Variants in PRIM2 observed in about 807,000 individuals in gnomAD.
The protein encoded by PRIM2 is DNA primase large subunit.
Under a neutral mutation model 67.3 loss-of-function variants are expected in PRIM2, and 39 were observed. That is an observed-to-expected ratio of 0.58 (90% CI 0.45 to 0.76). The LOEUF is 0.76. PRIM2 is among the 30% of genes least tolerant of loss of function. The pLI is 0.00. For synonymous variants in PRIM2, 143 were observed against 198.7 expected (o/e 0.72, Z 2.36); for missense variants, 398 against 598.7 (o/e 0.66, Z 3.50).
chr6:57,488,980 A>T (rs1484727987), intron 7 of PRIM2, among the ~76,000 whole-genome samples: 1 of 152,202 alleles, frequency 6.6e-6, no homozygotes, highest in Non-Finnish European at 1.5e-5. Context: ...ACAGGGAAAG[A>T]TAGTCCCTAA....
the PRIM2 span, among the ~76,000 whole-genome samples, chr6:57,267,978 A>G: frequency 1.3e-5 from 2 of 152,096 alleles, no homozygotes; most frequent in Admixed American, 6.5e-5. Context: ...GGCATTGAGC[A>G]TATGAGAACA....
chr6:57,456,183 G>T (rs1178208901), intron 7 of PRIM2, among the ~76,000 whole-genome samples: 1 of 152,110 alleles, frequency 6.6e-6, no homozygotes, highest in Non-Finnish European at 1.5e-5. Context: ...TTCCCTTTGT[G>T]GGTAACCCGA....
chr6:57,438,782 T>C (rs1161320839), intron 7 of PRIM2, among the ~76,000 whole-genome samples: 1 of 152,148 alleles, frequency 6.6e-6, no homozygotes, highest in Non-Finnish European at 1.5e-5. Context: ...TTTTTCTTTT[T>C]TTTTGGGGGA....
intron 5 of PRIM2, among the ~76,000 whole-genome samples, chr6:57,364,220 G>T (rs1769282451): frequency 6.6e-6 from 1 of 152,018 alleles, no homozygotes; most frequent in Non-Finnish European, 1.5e-5. Flanking sequence ...TGTGTGGTCT[G>T]TTCCTGCTAT....
At chr6:57,409,683 T>C (rs1440829980) in intron 7 of PRIM2, among the ~76,000 whole-genome samples, 5 of 152,236 alleles carry the variant, frequency 3.3e-5, no homozygotes. Flanking sequence ...TATGATGATA[T>C]CTCATTGTGC....
At chr6:57,565,483 C>G (rs1316297537) in intron 10 of PRIM2, among the ~76,000 whole-genome samples, 3 of 149,988 alleles carry the variant, frequency 2.0e-5, no homozygotes, top group African/African-American at 7.4e-5. Flanking sequence ...GGCCTGAGAA[C>G]TGGGGGAGCC....
intron 5 of PRIM2, among the ~76,000 whole-genome samples, chr6:57,371,981 A>G (rs1317203585): frequency 1.3e-5 from 2 of 152,280 alleles, no homozygotes; most frequent in African/African-American, 4.8e-5. Flanking sequence ...AAACATAGCA[A>G]ATACGAAAGC....
chr6:57,403,389 T>TG (rs371900286), intron 7 of PRIM2, among the ~76,000 whole-genome samples: 947 of 151,962 alleles, frequency 6.2e-3, no homozygotes, highest in Non-Finnish European at 9.8e-3. Context: ...CCCTAGTAGC[T>TG]GGGACTACAG....
chr6:57,407,238 CAAAG>C (rs1289843769), intron 7 of PRIM2, among the ~76,000 whole-genome samples: 2 of 152,038 alleles, frequency 1.3e-5, no homozygotes, highest in African/African-American at 2.4e-5. Context: ...ACTATAATCT[CAAAG>C]AAAGAGAATA....
intron 7 of PRIM2, among the ~76,000 whole-genome samples, chr6:57,406,872 C>T (rs557884309): frequency 1.3e-5 from 2 of 152,026 alleles, no homozygotes. Flanking sequence ...TTGCGGTTGT[C>T]CCTTGTGGCA....
At chr6:57,491,846 C>T (rs1773899129) in intron 7 of PRIM2, among the ~76,000 whole-genome samples, 1 of 152,138 alleles carries the variant, frequency 6.6e-6, no homozygotes, top group Non-Finnish European at 1.5e-5. Context: ...AATACCAGGG[C>T]TTTTATTTAA....
At chr6:57,313,930 G>A (rs1767432207), upstream of PRIM2, among the ~76,000 whole-genome samples, 1 of 152,222 alleles carries the variant, frequency 6.6e-6, no homozygotes, top group African/African-American at 2.4e-5. Flanking sequence ...GAGCTGTGGA[G>A]GAGTTATCTC....
chr6:57,233,554 TA>T, the PRIM2 span, among the ~76,000 whole-genome samples: 1 of 152,210 alleles, frequency 6.6e-6, no homozygotes, highest in East Asian at 1.9e-4. Context: ...GTTCCACTCC[TA>T]GGGGTAACAT....
At chr6:57,491,824 C>G (rs1773898580) in intron 7 of PRIM2, among the ~76,000 whole-genome samples, 2 of 152,086 alleles carry the variant, frequency 1.3e-5, no homozygotes, top group Non-Finnish European at 2.9e-5. Flanking sequence ...GCTGGATGCC[C>G]CCTCACAGTT....
chr6:57,374,345 G>A (rs9367733), intron 5 of PRIM2, among the ~76,000 whole-genome samples: 1 of 147,450 alleles, frequency 6.8e-6, no homozygotes, highest in African/African-American at 2.5e-5. Context: ...CCAGGCTGGA[G>A]TGCAGTGGCG....
At chr6:57,413,007 T>C (rs1248129771) in intron 7 of PRIM2, among the ~76,000 whole-genome samples, 2 of 152,110 alleles carry the variant, frequency 1.3e-5, no homozygotes, top group African/African-American at 4.8e-5. Flanking sequence ...ACCTCAATGC[T>C]TGTAAGTTAG....
intron 8 of PRIM2, among the ~76,000 whole-genome samples, chr6:57,512,066 T>C (rs1434979692): frequency 2.6e-5 from 4 of 151,482 alleles, no homozygotes; most frequent in African/African-American, 9.7e-5. Flanking sequence ...AGTGCGGGAG[T>C]TGGGATATGA....
intron 5 of PRIM2, among the ~76,000 whole-genome samples, chr6:57,344,544 G>A (rs895509152): frequency 1.3e-5 from 2 of 151,810 alleles, no homozygotes; most frequent in African/African-American, 4.8e-5. Flanking sequence ...ATTAACACAG[G>A]GCTTCCTTTT....
At chr6:57,500,501 C>T (rs1554346754) in intron 7 of PRIM2, among the ~76,000 whole-genome samples, 300 of 152,238 alleles carry the variant, frequency 2.0e-3, no homozygotes, top group African/African-American at 5.7e-3. Flanking sequence ...ACTAGCCATA[C>T]GGGAAACACA....
Sources: gnomAD v4.1 joint callset for allele counts (sites outside exome capture counted in the v4.1 genomes callset) on GRCh38, gnomAD v4.1.1 for gene constraint, MANE v1.5 for transcripts, NCBI Gene and HGNC (gene_info 2026-07-23, HGNC 2026-07-21) for gene names.